The following SF3B1 variants were observed in gnomAD, a reference collection of about 807,000 sequenced individuals.
SF3B1 encodes splicing factor 3b subunit 1.
A neutral mutation model predicts 153.8 loss-of-function variants in SF3B1; 12 were observed. The observed-to-expected ratio is 0.08, with a 90% CI of 0.05 to 0.13. The LOEUF is 0.13. Among genes scored for constraint, SF3B1 ranks in the 10% least tolerant of loss-of-function variants. SF3B1 has a pLI of 1.00. For missense variants in SF3B1, 513 were observed against 1,606.1 expected, an observed-to-expected ratio of 0.32 and a Z score of 11.63; for synonymous variants, 498 against 525.2, an observed-to-expected ratio of 0.95 and a Z score of 0.71.
At chr2:197,432,559 G>T (rs1207099122) in intron 1 of SF3B1, among the ~76,000 whole-genome samples, 3 of 152,216 alleles carry the variant, frequency 2.0e-5, no homozygotes, top group Non-Finnish European at 4.4e-5. Context: ...AGGATGTGAG[G>T]CCTGATCCTA....
At chr2:197,411,671 C>CA (rs776789273) in intron 6 of SF3B1, among the ~76,000 whole-genome samples, 1,614 of 127,042 alleles carry the variant, frequency 0.013, 15 homozygotes, top group South Asian at 0.029. Flanking sequence ...GACCCCGTCT[C>CA]AAAAAAAAAA....
chr2:197,398,242 C>A, intron 21 of SF3B1, 126 bp from the exon 22 acceptor site: 1 of 900,010 alleles, frequency 1.1e-6, no homozygotes, highest in Non-Finnish European at 1.7e-6. Flanking sequence ...TACTACTCTT[C>A]AGAAAGGCTG....
At position 197,416,773 on chromosome 2, in the gene SF3B1, G is replaced by C; in HGVS notation, c.634C>G (p.Pro212Ala). ...QTADQTPGAT[P>A]KKLSSWDQAE... ...TGATCCCAACTTGATAGTTTTTTGGGAGTGGCACCAGGAGTCTGATCAGCT... is the reference window on the plus strand; with the variant it reads ...TGATCCCAACTTGATAGTTTTTTGGCAGTGGCACCAGGAGTCTGATCAGCT... Residue 212 changes from proline to alanine, a missense_variant, in exon 6 of 25, where the codon CCC becomes GCC. Pro to Ala is a conservative substitution (Grantham distance 27). Transcript: ENST00000335508. 1.9e-6 allele frequency: 3 copies of C among 1,612,408 alleles called. No homozygotes were observed. Among genetic ancestry groups the C allele is most frequent in the Non-Finnish European group, 2.5e-6 (3 of 1,179,532 alleles).
At chr2:197,394,044 C>T (rs1305646838) in intron 23 of SF3B1, among the ~76,000 whole-genome samples, 3 of 151,926 alleles carry the variant, frequency 2.0e-5, no homozygotes, top group Non-Finnish European at 4.4e-5. Flanking sequence ...ATTAGTAGGG[C>T]ATTTTGGCAC....
At chr2:197,422,017 C>T (rs2085251620) in intron 2 of SF3B1, among the ~76,000 whole-genome samples, 1 of 152,000 alleles carries the variant, frequency 6.6e-6, no homozygotes. Context: ...GATCTCATCT[C>T]TATTGTAATA....
intron 6 of SF3B1, among the ~76,000 whole-genome samples, chr2:197,415,897 T>C (rs1327765173): frequency 1.3e-5 from 2 of 151,648 alleles, no homozygotes; most frequent in Non-Finnish European, 2.9e-5. Flanking sequence ...CCTCCGGGGA[T>C]CAAGGGATCC....
intron 12 of SF3B1, among the ~76,000 whole-genome samples, 164 bp from the exon 13 acceptor site, chr2:197,403,199 CAG>C (rs1256444112): frequency 6.6e-6 from 1 of 152,070 alleles, no homozygotes; most frequent in Non-Finnish European, 1.5e-5. Context: ...AAACTCCAGA[CAG>C]AGATGAAAAT....
At position 197,409,928 on chromosome 2, in the gene SF3B1, G is replaced by T; in HGVS notation, c.746C>A (p.Pro249Gln). The T allele has an allele frequency of 6.2e-7, 1 of 1,614,160 alleles. No individual in the cohort carries two copies. The highest frequency in any genetic ancestry group is 8.5e-7 in the Non-Finnish European group (1 of 1,180,042). Residue 249 changes from proline (P) to glutamine (Q), a missense_variant, in exon 7 of 25, where the codon CCA becomes CAA. Around this residue, in one of 21 missense-constraint regions of SF3B1, gnomAD observed 91 missense variants for 157.4 expected, o/e 0.58. Coordinates refer to ENST00000335508, the MANE Select transcript of SF3B1 (RefSeq NM_012433.4). ...TGTAGGATCCCATATTTTTGAGCCT[G>T]GGGTTGCTCCAGGAGTCTCGCTTCC... is the stretch of plus-strand genomic sequence containing the variant. ...AKGSETPGAT[P>Q]GSKIWDPTPS...
rs1282093180 is a variant in SF3B1 at position 197,416,918 on chromosome 2, A to C, written c.496-7T>G. ...GCTGTTGCCTAATTTCTCGCTGAAA[A>C]AAACAGTGAGTATTTACCTTTAAAA... On this transcript the variant is annotated splice_polypyrimidine_tract_variant and splice_region_variant and intron_variant, in intron 5 of 24. Transcript: ENST00000335508. The C allele has an allele frequency of 6.2e-7, 1 of 1,610,446 alleles. No individual in the cohort carries two copies. Among genetic ancestry groups the C allele is most frequent in the South Asian group, 1.1e-5 (1 of 90,474 alleles).
intron 1 of SF3B1, among the ~76,000 whole-genome samples, 183 bp downstream of exon 1, chr2:197,434,789 G>A (rs2085496603): frequency 6.6e-6 from 1 of 152,280 alleles, no homozygotes; most frequent in Non-Finnish European, 1.5e-5. Context: ...GGGGGTGTAA[G>A]AGGAGGACGC....
At chr2:197,428,007 G>A (rs1244615180) in intron 1 of SF3B1, among the ~76,000 whole-genome samples, 1 of 151,566 alleles carries the variant, frequency 6.6e-6, no homozygotes, top group Non-Finnish European at 1.5e-5. Context: ...GACAGAGCAA[G>A]ACTCCGTCTC....
chr2:197,419,073 A>G, intron 4 of SF3B1: 3 of 735,632 alleles, frequency 4.1e-6, no homozygotes, highest in Non-Finnish European at 6.9e-6. Context: ...AGTTCTTCAT[A>G]CAGTGTTCTA....
At chr2:197,418,318 G>C (rs1421293703) in intron 5 of SF3B1, among the ~76,000 whole-genome samples, 191 bp downstream of exon 5, 1 of 141,988 alleles carries the variant, frequency 7.0e-6, no homozygotes. Flanking sequence ...CCCAGGACTA[G>C]AAAAGGATAT....
intron 1 of SF3B1, among the ~76,000 whole-genome samples, chr2:197,431,001 A>G (rs2085422760): frequency 1.3e-5 from 2 of 152,280 alleles, no homozygotes; most frequent in Admixed American, 1.3e-4. Context: ...CTCTTGAGAA[A>G]AACAATTCAT....
At chr2:197,403,151 AG>A in intron 12 of SF3B1, 116 bp from the exon 13 acceptor site, 1 of 763,226 alleles carries the variant, frequency 1.3e-6, no homozygotes, top group Admixed American at 2.8e-5. Context: ...TTGTTAATCA[AG>A]GGACGAACTG....
chr2:197,401,651 AGTTTTTT>A lies in SF3B1; in HGVS notation c.2370+84_2370+90del. 1 of 1,474,370 alleles carries A rather than the reference AGTTTTTT, an allele frequency of 6.8e-7. No homozygotes were observed. The allele number at this position is 1,474,370 out of a possible 1,614,324, so 91.3% of individuals were successfully genotyped here. A position where few individuals can be genotyped will look rare whatever the true frequency, so the allele number is the denominator to read the frequency against. Reference sequence around the variant, plus strand: ...ATCAAACAGTATTCGTGTAACATACAGTTTTTTTTGTTGATTTTTAAAAACACTTTAA... The same window carrying A: ...ATCAAACAGTATTCGTGTAACATACATTGTTGATTTTTAAAAACACTTTAA... On this transcript the variant is annotated intron_variant, in intron 16 of 24. Coordinates refer to ENST00000335508, the MANE Select transcript of SF3B1 (RefSeq NM_012433.4). This position sits in a 1 kb window ranked among gnomAD's most constrained non-coding sequence, Gnocchi z 4.2.
intron 6 of SF3B1, among the ~76,000 whole-genome samples, chr2:197,410,388 GAC>G (rs1215110384): frequency 6.6e-6 from 1 of 152,060 alleles, no homozygotes. Flanking sequence ...GGGGCTTAGA[GAC>G]ACATATTTAG....
At chr2:197,424,908 C>A (rs2085309049) in intron 1 of SF3B1, among the ~76,000 whole-genome samples, 1 of 152,146 alleles carries the variant, frequency 6.6e-6, no homozygotes, top group Non-Finnish European at 1.5e-5. Flanking sequence ...GCCTATAATC[C>A]CAGCACTTTG....
chr2:197,413,813 TG>T (rs1354233422), intron 6 of SF3B1, among the ~76,000 whole-genome samples: 7 of 151,664 alleles, frequency 4.6e-5, no homozygotes, highest in Non-Finnish European at 1.0e-4. Context: ...TGTTTTGTTT[TG>T]TTTTTTTTTT....
Sources: gnomAD v4.1 joint callset for allele counts (sites outside exome capture counted in the v4.1 genomes callset) on GRCh38, gnomAD v4.1.1 for gene constraint, gnomAD v4.1.1 regional missense constraint, Gnocchi (gnomAD v3.1) non-coding constraint, MANE v1.5 for transcripts, NCBI Gene and HGNC (gene_info 2026-07-23, HGNC 2026-07-21) for gene names.